WDR49: variants seen among roughly 807,000 people sequenced by gnomAD.
The protein encoded by WDR49 is cilia- and flagella-associated protein 337.
In WDR49, 107 loss-of-function variants were observed where a neutral mutation model predicts 119.5. That is an observed-to-expected ratio of 0.90 (90% CI 0.77 to 1.05). The LOEUF (loss-of-function observed/expected upper bound fraction) is 1.05. WDR49 is among the 50% of genes least tolerant of loss of function. The pLI is 0.00. For missense variants in WDR49, 1,240 were observed against 1,220.5 expected, an observed-to-expected ratio of 1.02 and a Z score of -0.24; for synonymous variants, 425 against 418.8, an observed-to-expected ratio of 1.01 and a Z score of -0.18.
chr3:167,528,695 G>T (rs1752728795), intron 14 of WDR49, among the ~76,000 whole-genome samples: 2 of 151,984 alleles, frequency 1.3e-5, no homozygotes, highest in South Asian at 4.1e-4. Context: ...TCCAGTCTAG[G>T]TGACAGAGGG....
chr3:167,554,833 G>A, intron 9 of WDR49, 35 bp from the exon 10 acceptor site: 1 of 1,473,416 alleles, frequency 6.8e-7, no homozygotes, highest in Non-Finnish European at 9.3e-7. Context: ...TTTGAGACAG[G>A]AAGGTAAACT....
intron 16 of WDR49, among the ~76,000 whole-genome samples, chr3:167,516,829 C>T (rs1394486212): frequency 6.6e-6 from 1 of 151,998 alleles, no homozygotes; most frequent in South Asian, 2.1e-4. Context: ...TGACAAAGGG[C>T]TAATATCCAG....
intron 10 of WDR49, among the ~76,000 whole-genome samples, 153 bp downstream of exon 10, chr3:167,554,497 C>T (rs1347056670): frequency 1.3e-5 from 2 of 152,184 alleles, no homozygotes; most frequent in African/African-American, 4.8e-5. Flanking sequence ...ATGCGGTCTT[C>T]TAATATTTTA....
At chr3:167,569,404 AGTACATACGTATC>A (rs1229880702) in intron 8 of WDR49, among the ~76,000 whole-genome samples, 3 of 152,250 alleles carry the variant, frequency 2.0e-5, no homozygotes, top group Non-Finnish European at 4.4e-5. Flanking sequence ...AAAATAGGCT[AGTACATACGTATC>A]TTTTATGCAT....
chr3:167,636,616 TAGAAGGG>T (rs2108335860), intron 2 of WDR49, among the ~76,000 whole-genome samples: 2 of 151,934 alleles, frequency 1.3e-5, no homozygotes, highest in South Asian at 4.1e-4. Flanking sequence ...ACCAGCAATG[TAGAAGGG>T]TCACCTTTTC....
intron 11 of WDR49, among the ~76,000 whole-genome samples, chr3:167,536,175 G>C (rs1322723608): frequency 6.6e-6 from 1 of 151,972 alleles, no homozygotes; most frequent in Admixed American, 6.6e-5. Flanking sequence ...AGGATGACTA[G>C]AGTTAACAAT....
intron 2 of WDR49, among the ~76,000 whole-genome samples, chr3:167,640,534 CA>C (rs938608928): frequency 7.9e-5 from 12 of 151,834 alleles, no homozygotes; most frequent in Non-Finnish European, 1.8e-4. Context: ...TGTGGCTAAA[CA>C]TTTCAATACA....
chr3:167,557,901 C>T (rs185219583), intron 9 of WDR49, among the ~76,000 whole-genome samples: 1 of 152,158 alleles, frequency 6.6e-6, no homozygotes, highest in East Asian at 1.9e-4. Flanking sequence ...TTATATGAGT[C>T]AATATCCAAG....
chr3:167,526,256 C>T (rs145044282), intron 15 of WDR49, among the ~76,000 whole-genome samples: 77 of 152,214 alleles, frequency 5.1e-4, no homozygotes, highest in Non-Finnish European at 5.7e-4. Context: ...GTTTTACAAG[C>T]ACACATTTCT....
At chr3:167,655,476 C>T (rs1718570590), upstream of WDR49, among the ~76,000 whole-genome samples, 1 of 152,124 alleles carries the variant, frequency 6.6e-6, no homozygotes, top group Admixed American at 6.5e-5. Context: ...TCACTAGAGG[C>T]ATGGTACAGA....
chr3:167,513,914 T>C (rs996913726), intron 16 of WDR49, among the ~76,000 whole-genome samples: 2 of 152,216 alleles, frequency 1.3e-5, no homozygotes, highest in Non-Finnish European at 2.9e-5. Context: ...GAGCTAACTA[T>C]GCTAAATATA....
chr3:167,553,742 T>C (rs961695442), intron 10 of WDR49, among the ~76,000 whole-genome samples: 2 of 152,084 alleles, frequency 1.3e-5, no homozygotes, highest in African/African-American at 2.4e-5. Flanking sequence ...ATGAGGATGA[T>C]TGAATTAGTT....
intron 10 of WDR49, among the ~76,000 whole-genome samples, chr3:167,549,544 G>GT (rs1224925906): frequency 6.6e-6 from 1 of 151,722 alleles, no homozygotes; most frequent in Non-Finnish European, 1.5e-5. Flanking sequence ...GGGGTTATTT[G>GT]ATTTTTTCTT....
chr3:167,618,233 T>C (rs181852429), intron 5 of WDR49, among the ~76,000 whole-genome samples: 34 of 152,290 alleles, frequency 2.2e-4, no homozygotes, highest in East Asian at 1.4e-3. Flanking sequence ...AAAATCTTGT[T>C]TATAAGATTT....
In WDR49 at chr3:167,518,003, A is replaced by G. The variant is rs1752286206; in HGVS notation, c.2774+4312T>C. On this transcript the variant is annotated intron_variant, in intron 16 of 18. Transcript: ENST00000682715. ...TGCAGTGTTTGGTTTTTGTCCTTGCAATAGTTTGCTGAGAATGATGATTTC... is the reference window on the plus strand; with the variant it reads ...TGCAGTGTTTGGTTTTTGTCCTTGCGATAGTTTGCTGAGAATGATGATTTC... Among the ~76,000 whole-genome samples the G allele has an allele frequency of 2.0e-5, 3 of 151,604 alleles. No homozygotes were observed. In the South Asian group the frequency reaches 6.2e-4, roughly 32 times the overall value.
Position 167,602,115 on chromosome 3 carries a change from A to T in WDR49, c.1275+12T>A. 1 of 1,568,086 alleles carries T rather than the reference A, an allele frequency of 6.4e-7. No individual in the cohort carries two copies. Among genetic ancestry groups the T allele is most frequent in the East Asian group, 2.3e-5 (1 of 44,222 alleles). ...GCAAAACTAAATTAATTAAAAGCACAATGTTACTTACTTTATCCTTGGAGA... is the reference window on the plus strand; with the variant it reads ...GCAAAACTAAATTAATTAAAAGCACTATGTTACTTACTTTATCCTTGGAGA... On this transcript the variant is annotated intron_variant, in intron 7 of 18. Coordinates refer to ENST00000682715, the MANE Select transcript of WDR49 (RefSeq NM_001366157.1).
chr3:167,602,301 AT>A (rs758769444), intron 6 of WDR49, 26 bp from the exon 7 acceptor site: 10 of 1,546,022 alleles, frequency 6.5e-6, no homozygotes, highest in Non-Finnish European at 8.8e-6. Flanking sequence ...AAGAAAAAAA[AT>A]GTTTTTAATA....
intron 16 of WDR49, among the ~76,000 whole-genome samples, chr3:167,520,183 GCT>G (rs1752385995): frequency 1.3e-5 from 2 of 151,674 alleles, no homozygotes; most frequent in Non-Finnish European, 1.5e-5. Flanking sequence ...GGAAGTTGAT[GCT>G]GCAGTGAGCT....
intron 7 of WDR49, among the ~76,000 whole-genome samples, chr3:167,586,697 C>T (rs74527488): frequency 0.014 from 2,169 of 152,132 alleles, 17 homozygotes; most frequent in Non-Finnish European, 0.022. Context: ...GTTGTAAAGA[C>T]GTAAAGACTG....
Sources: allele counts gnomAD v4.1 joint callset (sites outside exome capture counted in the v4.1 genomes callset), GRCh38; gene constraint gnomAD v4.1.1; transcripts MANE v1.5; gene names NCBI Gene and HGNC (gene_info 2026-07-23, HGNC 2026-07-21).